GLB1L3: variants seen among roughly 807,000 people sequenced by gnomAD.
The protein encoded by GLB1L3 is beta-galactosidase-1-like protein 3.
A neutral mutation model predicts 89.5 loss-of-function variants in GLB1L3; 89 were observed. The ratio of observed to expected loss-of-function variants is 0.99; its 90% confidence interval spans 0.84 to 1.19. The LOEUF (loss-of-function observed/expected upper bound fraction) is 1.19, where lower values mean the gene tolerates loss of function less well. GLB1L3 is among the 50% of genes most tolerant of loss of function. The pLI, the probability that GLB1L3 is intolerant of heterozygous loss-of-function variation, is 0.00. For synonymous variants in GLB1L3, 314 were observed against 312.3 expected, an observed-to-expected ratio of 1.01 and a Z score of -0.06; for missense variants, 812 against 813.3, an observed-to-expected ratio of 1.00 and a Z score of 0.02.
At chr11:134,313,278 C>T in intron 15 of GLB1L3, 118 bp from the exon 16 acceptor site, 3 of 718,070 alleles carry the variant, frequency 4.2e-6, no homozygotes, top group Admixed American at 2.1e-5. Context: ...GACTGCTGGG[C>T]CCTGGAGCCT....
intron 6 of GLB1L3, among the ~76,000 whole-genome samples, chr11:134,284,352 T>C (rs941293922): frequency 6.6e-6 from 1 of 152,236 alleles, no homozygotes; most frequent in Non-Finnish European, 1.5e-5. Flanking sequence ...CTTTTGTTAC[T>C]TGAAATACGT....
rs750890309 is a variant in GLB1L3 at position 134,318,899 on chromosome 11, T to A, written c.1919T>A (p.Met640Lys). The A allele has an allele frequency of 5.6e-6, 9 of 1,613,670 alleles. 1 individual carries two copies. In the Middle Eastern group the frequency reaches 6.6e-4, roughly 118 times the overall value. ...CAGGTCATCTTGTTTGAGAAGATGA[T>A]GAGTGGCTCAGATATCAAATCTACA... ...DNEVILFEKM[M>K]SGSDIKSTDK... is the part of the protein sequence containing the mutation. Residue 640 changes from methionine (M) to lysine (K), a missense_variant, in exon 20 of 20, where the codon ATG becomes AAG. Around this residue, in one of 3 missense-constraint regions of GLB1L3, gnomAD observed 618 missense variants for 604.0 expected, o/e 1.02. Coordinates refer to ENST00000431683, the MANE Select transcript of GLB1L3 (RefSeq NM_001080407.3).
At chr11:134,293,587 A>G (rs12799727) in intron 9 of GLB1L3, among the ~76,000 whole-genome samples, 226 of 152,222 alleles carry the variant, frequency 1.5e-3, no homozygotes, top group Middle Eastern at 3.4e-3. Flanking sequence ...ACATATTATC[A>G]GAAGGGATGA....
At chr11:134,288,283 A>G (rs1941130371) in intron 6 of GLB1L3, among the ~76,000 whole-genome samples, 1 of 152,098 alleles carries the variant, frequency 6.6e-6, no homozygotes, top group African/African-American at 2.4e-5. Context: ...GAAGAGGGGA[A>G]CATTCCTGGG....
At position 134,302,831 on chromosome 11, in the gene GLB1L3, C is replaced by T. The variant is rs371778783; in HGVS notation, c.877-4293C>T. On this transcript the variant is annotated intron_variant, in intron 9 of 19. Coordinates refer to ENST00000431683, the MANE Select transcript of GLB1L3 (RefSeq NM_001080407.3). ...CTGGGTGCAGTATTCTGTTTAAGTT[C>T]TATGTCAATTTTATTTATTGTGTTA... 2.5e-4 allele frequency among the ~76,000 whole-genome samples: 38 copies of T among 152,190 alleles called. No homozygotes were observed. In the East Asian group the frequency reaches 3.7e-3, roughly 15 times the overall value.
chr11:134,308,197 C>CATCACT (rs1565412234), intron 10 of GLB1L3, among the ~76,000 whole-genome samples: 7 of 68,770 alleles, frequency 1.0e-4, no homozygotes, highest in South Asian at 1.2e-3. Context: ...TCATCACCAT[C>CATCACT]ACCACTACCA....
At chr11:134,322,711 T>A (rs150275165), downstream of GLB1L3, among the ~76,000 whole-genome samples, 77 of 152,330 alleles carry the variant, frequency 5.1e-4, no homozygotes, top group African/African-American at 1.8e-3. Context: ...TAGCTTAACG[T>A]TTTCAAGCTT....
In GLB1L3 at chr11:134,281,274, A is replaced by G. The variant is rs559306938; in HGVS notation, c.363-103A>G. The G allele has an allele frequency of 3.8e-6, 5 of 1,317,498 alleles. No individual in the cohort carries two copies. In the South Asian group the frequency reaches 5.9e-5, roughly 16 times the overall value. The allele number at this position is 1,317,498 out of a possible 1,614,324, so 81.6% of individuals were successfully genotyped here. On this transcript the variant is annotated intron_variant, in intron 3 of 19. Transcript: ENST00000431683. ...CCACTGGTAACTTCAACTTATTTCA[A>G]AATAGAGCTATGCATGGTTTTGGCT... is the stretch of plus-strand genomic sequence containing the variant.
At chr11:134,305,220 CT>C (rs1942140353) in intron 9 of GLB1L3, 1 of 865,882 alleles carries the variant, frequency 1.2e-6, no homozygotes, top group Non-Finnish European at 1.9e-6. Context: ...TCCTTCTAAG[CT>C]TCTGATGCAC....
intron 6 of GLB1L3, among the ~76,000 whole-genome samples, chr11:134,287,975 G>T (rs1246662014): frequency 6.6e-6 from 1 of 152,230 alleles, no homozygotes; most frequent in East Asian, 1.9e-4. Context: ...CGGGCCTGCT[G>T]TATGTTGGGA....
In GLB1L3 at chr11:134,312,737, CCTT is replaced by C. The variant is rs1476235686; in HGVS notation, c.1429-76_1429-74del. The C allele has an allele frequency of 5.8e-6, 7 of 1,211,184 alleles. No individual in the cohort carries two copies. In the Admixed American group the frequency reaches 7.9e-5, roughly 14 times the overall value. The allele number at this position is 1,211,184 out of a possible 1,614,324, so 75.0% of individuals were successfully genotyped here. A position where few individuals can be genotyped will look rare whatever the true frequency, so the allele number is the denominator to read the frequency against. ...CTGGTCCCTGCCTTCATACTGACCT[CCTT>C]CTCCCGAAACCGCGGCCTCTCTTCT... On this transcript the variant is annotated intron_variant, in intron 14 of 19. Transcript: ENST00000431683.
At chr11:134,317,703 G>A (rs1943042957) in intron 18 of GLB1L3, among the ~76,000 whole-genome samples, 1 of 152,016 alleles carries the variant, frequency 6.6e-6, no homozygotes, top group African/African-American at 2.4e-5. Context: ...TCTTTTAAAT[G>A]TTTTATGTCT....
intron 18 of GLB1L3, among the ~76,000 whole-genome samples, chr11:134,317,886 T>A (rs1211855690): frequency 6.6e-6 from 1 of 152,182 alleles, no homozygotes; most frequent in Non-Finnish European, 1.5e-5. Flanking sequence ...AATTAAGAAT[T>A]TTACCATCAT....
At chr11:134,323,181 T>C (rs768728235), downstream of GLB1L3, among the ~76,000 whole-genome samples, 3 of 152,184 alleles carry the variant, frequency 2.0e-5, no homozygotes, top group Non-Finnish European at 4.4e-5. Flanking sequence ...CTCTTAAACA[T>C]TGAATCCAAA....
intron 6 of GLB1L3, chr11:134,287,089 A>C (rs1012435847): frequency 7.0e-6 from 1 of 143,586 alleles, no homozygotes; most frequent in Non-Finnish European, 1.5e-5. Flanking sequence ...TGAACCCGGG[A>C]GGCGGAGCTT....
At chr11:134,308,444 C>CAA (rs1253180568) in intron 10 of GLB1L3, among the ~76,000 whole-genome samples, 2 of 59,468 alleles carry the variant, frequency 3.4e-5, no homozygotes, top group Admixed American at 2.0e-4. Context: ...CCACCACCAC[C>CAA]ATCACCACCA....
chr11:134,277,277 G>A (rs1266237479), intron 1 of GLB1L3, 49 bp from the exon 2 acceptor site: 1 of 1,612,410 alleles, frequency 6.2e-7, no homozygotes, highest in Admixed American at 1.7e-5. Flanking sequence ...CTTGCAGCCC[G>A]GTGGGGCCGG....
Position 134,293,079 on chromosome 11 carries a change from C to T in GLB1L3, c.812-66C>T, listed in dbSNP as rs535996608. 4 of 1,344,754 alleles carry T rather than the reference C, an allele frequency of 3.0e-6. No individual in the cohort carries two copies. In the South Asian group the frequency reaches 4.7e-5, roughly 16 times the overall value. 83.3% of individuals were successfully genotyped at this position (1,344,754 alleles called of 1,614,324 possible). On this transcript the variant is annotated intron_variant, in intron 8 of 19. Coordinates refer to ENST00000431683, the MANE Select transcript of GLB1L3 (RefSeq NM_001080407.3). ...CCTGCGTGCGTCCGGGCCGGGGGCG[C>T]ATTCCTTCCCTTCCCTGACAGCACT...
At chr11:134,311,429 T>C (rs1007378190) in intron 13 of GLB1L3, 1 of 458,664 alleles carries the variant, frequency 2.2e-6, no homozygotes, top group Non-Finnish European at 4.0e-6. Flanking sequence ...CTGGAGATGC[T>C]CTTGTTTGGA....
Sources: gnomAD v4.1 joint callset for allele counts (sites outside exome capture counted in the v4.1 genomes callset) on GRCh38, gnomAD v4.1.1 for gene constraint, gnomAD v4.1.1 regional missense constraint, MANE v1.5 for transcripts, NCBI Gene and HGNC (gene_info 2026-07-23, HGNC 2026-07-21) for gene names.